CPEB3: variants seen among roughly 807,000 people sequenced by gnomAD.
CPEB3 encodes cytoplasmic polyadenylation element binding protein 3.
In CPEB3, 20 loss-of-function variants were observed where a neutral mutation model predicts 67.2. The ratio of observed to expected loss-of-function variants is 0.30; its 90% confidence interval spans 0.21 to 0.43. The LOEUF (loss-of-function observed/expected upper bound fraction) is 0.43. Ranked by LOEUF, CPEB3 falls within the 20% of genes least tolerant of loss-of-function variation. CPEB3 has a pLI of 1.00. For missense variants in CPEB3, 746 were observed against 968.6 expected (o/e 0.77, Z 3.05); for synonymous variants, 376 against 393.1 (o/e 0.96, Z 0.51).
At chr10:92,280,753 C>CTTTTTTTT (rs948586177) in intron 1 of CPEB3, among the ~76,000 whole-genome samples, 1 of 91,666 alleles carries the variant, frequency 1.1e-5, no homozygotes, top group African/African-American at 5.0e-5. Flanking sequence ...AGCATCTATT[C>CTTTTTTTT]TTTTTTTTTT....
intron 4 of CPEB3, among the ~76,000 whole-genome samples, chr10:92,158,302 G>A (rs761074057): frequency 7.9e-5 from 12 of 152,046 alleles, no homozygotes; most frequent in Admixed American, 7.2e-4. Context: ...GCAGCCACTG[G>A]AACAGATACA....
At chr10:92,136,117 A>G (rs141314853) in intron 6 of CPEB3, among the ~76,000 whole-genome samples, 483 of 152,266 alleles carry the variant, frequency 3.2e-3, no homozygotes, top group Non-Finnish European at 4.8e-3. Flanking sequence ...CTATGTAACA[A>G]ACCTTCACAT....
intron 7 of CPEB3, among the ~76,000 whole-genome samples, chr10:92,100,524 C>A (rs559044178): frequency 6.4e-4 from 98 of 152,316 alleles, no homozygotes; most frequent in African/African-American, 2.2e-3. Flanking sequence ...GATCCGCCCA[C>A]CTCAGCCTCA....
At position 92,270,813 on chromosome 10, in the gene CPEB3, G is replaced by A. The variant is rs989641641; in HGVS notation, c.-12+20113C>T. 4.0e-5 allele frequency among the ~76,000 whole-genome samples: 6 copies of A among 151,736 alleles called. No individual in the cohort carries two copies. In the East Asian group the frequency reaches 5.8e-4, roughly 15 times the overall value. ...TCAAACTCCTGAGCTCAAGTGATTCGCCCATCTTGGCCTTCCAAGGTACTG... is the reference window on the plus strand; with the variant it reads ...TCAAACTCCTGAGCTCAAGTGATTCACCCATCTTGGCCTTCCAAGGTACTG... On this transcript the variant is annotated intron_variant, in intron 1 of 9. Transcript: ENST00000265997.
intron 6 of CPEB3, among the ~76,000 whole-genome samples, chr10:92,142,420 T>C (rs1846480181): frequency 6.6e-6 from 1 of 152,222 alleles, no homozygotes; most frequent in South Asian, 2.1e-4. Flanking sequence ...TAAAGTTCCC[T>C]AGATTCTGCA....
chr10:92,257,405 C>T (rs532528198), intron 1 of CPEB3, among the ~76,000 whole-genome samples: 1 of 152,282 alleles, frequency 6.6e-6, no homozygotes, highest in East Asian at 1.9e-4. Context: ...AGTGATCCTC[C>T]TGCCTCAGTC....
chr10:92,216,453 G>A (rs563405312), intron 2 of CPEB3: 66 of 1,612,608 alleles, frequency 4.1e-5, no homozygotes, highest in Non-Finnish European at 5.3e-5. Flanking sequence ...CTGGCTTCTC[G>A]CCGCCTCAAG....
intron 6 of CPEB3, among the ~76,000 whole-genome samples, chr10:92,120,098 C>CAAAAAAAAAAAAAAAAAAACAAACAA (rs1554890962): frequency 2.2e-5 from 1 of 45,284 alleles, no homozygotes; most frequent in Non-Finnish European, 3.7e-5. Context: ...ACTAAAAATA[C>CAAAAAAAAAAAAAAAAAAACAAACAA]AAAAAAAAAA....
chr10:92,092,335 A>C (rs1053944539), intron 7 of CPEB3, among the ~76,000 whole-genome samples: 7 of 152,236 alleles, frequency 4.6e-5, no homozygotes, highest in African/African-American at 7.2e-5. Context: ...TCTAAAGTAC[A>C]TCAGGAGTAT....
Position 92,181,008 on chromosome 10 carries a change from TC to T in CPEB3, c.1176del (p.Ile393Ter). ...TCTGTTCCTGGATGATGGAAATTTA[TC>T]CCCATGCGTCCTAAAAAATAAAATA... is the stretch of plus-strand genomic sequence containing the variant. ...MWRNHFAGRM[G>X]INFHHPGTDN... On this transcript the variant is annotated frameshift_variant, in exon 4 of 10. Transcript: ENST00000265997. LOFTEE classifies it high-confidence loss of function. The T allele has an allele frequency of 6.7e-7, 1 of 1,502,234 alleles. No individual in the cohort carries two copies. The highest frequency in any genetic ancestry group is 9.3e-7 in the Non-Finnish European group (1 of 1,079,466). 93.1% of individuals were successfully genotyped at this position (1,502,234 alleles called of 1,614,324 possible).
rs371269451 is a variant in CPEB3 at position 92,111,118 on chromosome 10, T to C, written c.1530A>G (p.Lys510=). 6.9e-5 allele frequency: 112 copies of C among 1,613,944 alleles called. 1 individual carries two copies. In the South Asian group the frequency reaches 1.1e-3, roughly 16 times the overall value. ...TGGGGCTTGACACACACAGGTAGAG[T>C]TTCCCATCTTCTTCTAGGCAGGCAT... ...LIDACLEEDG[K]LYLCVSSPTI... The change falls in exon 7 of 10, where the codon AAA becomes AAG. Residue 510 remains lysine (K), a synonymous_variant. Transcript: ENST00000265997.
Position 92,239,654 on chromosome 10 carries a change from C to T in CPEB3, c.697G>A (p.Ala233Thr). The change falls in exon 2 of 10, where the codon GCC (alanine) becomes ACC (threonine). Residue 233 changes from alanine (A) to threonine (T), a missense_variant. Coordinates refer to ENST00000265997, the MANE Select transcript of CPEB3 (RefSeq NM_014912.5). This position sits in a 1 kb window ranked among gnomAD's most constrained non-coding sequence, Gnocchi z 6.0. ...CTGGACGAGGCCGACGAGGCGGCGG[C>T]TGCGGCAGCAGCGGCTGCAACCGCC... ...SSAVAAAAAA[A>T]AASSASSSWN... 1 of 1,562,312 alleles carries T rather than the reference C, an allele frequency of 6.4e-7. No individual in the cohort carries two copies. Among genetic ancestry groups the T allele is most frequent in the Non-Finnish European group, 8.7e-7 (1 of 1,154,676 alleles).
At chr10:92,106,112 C>T (rs1037585375) in intron 7 of CPEB3, among the ~76,000 whole-genome samples, 8 of 152,000 alleles carry the variant, frequency 5.3e-5, no homozygotes, top group African/African-American at 1.9e-4. Context: ...AGGCTGGTCT[C>T]GAACTCCTGA....
At chr10:92,257,058 A>C (rs1265889598) in intron 1 of CPEB3, among the ~76,000 whole-genome samples, 1 of 152,238 alleles carries the variant, frequency 6.6e-6, no homozygotes, top group South Asian at 2.1e-4. Context: ...AGTTCTATGG[A>C]TTCTATTGCC....
At chr10:92,053,731 C>T (rs1383423888) in intron 9 of CPEB3, among the ~76,000 whole-genome samples, 10 of 152,214 alleles carry the variant, frequency 6.6e-5, no homozygotes, top group East Asian at 3.9e-4. Flanking sequence ...TTAGTAGAGA[C>T]GGGGTTTCAC....
At position 92,245,373 on chromosome 10, in the gene CPEB3, T is replaced by TG. The variant is rs547385778; in HGVS notation, c.-11-5013dup. On this transcript the variant is annotated intron_variant, in intron 1 of 9. Coordinates refer to ENST00000265997, the MANE Select transcript of CPEB3 (RefSeq NM_014912.5). ...GGCTGGTCTCAAACTCCTGACCTCG[T>TG]GATTTGCCCACCTCGGCCTCCCAAA... Among the ~76,000 whole-genome samples, 347 of 152,046 alleles carry TG rather than the reference T, an allele frequency of 2.3e-3. 2 individuals carry two copies. Among genetic ancestry groups the TG allele is most frequent in the African/African-American group, 6.9e-3 (287 of 41,508 alleles).
intron 4 of CPEB3, among the ~76,000 whole-genome samples, chr10:92,156,092 G>T (rs1377501348): frequency 1.3e-5 from 2 of 152,088 alleles, no homozygotes; most frequent in Non-Finnish European, 1.5e-5. Flanking sequence ...TATCCTCAAA[G>T]AACTTATCCC....
chr10:92,063,750 G>A (rs552723846), intron 9 of CPEB3, among the ~76,000 whole-genome samples: 1 of 146,440 alleles, frequency 6.8e-6, no homozygotes, highest in African/African-American at 2.6e-5. Context: ...GTGACAGAGC[G>A]AGACTCAGTA....
At chr10:92,212,069 C>T (rs889671659) in intron 2 of CPEB3, among the ~76,000 whole-genome samples, 9 of 150,916 alleles carry the variant, frequency 6.0e-5, no homozygotes, top group Non-Finnish European at 1.2e-4. Context: ...TTAGTAGAGA[C>T]GGGGTTTCAC....
Sources: gnomAD v4.1 joint callset for allele counts (sites outside exome capture counted in the v4.1 genomes callset) on GRCh38, gnomAD v4.1.1 for gene constraint, Gnocchi (gnomAD v3.1) non-coding constraint, MANE v1.5 for transcripts, NCBI Gene and HGNC (gene_info 2026-07-23, HGNC 2026-07-21) for gene names.